The following NR4A1 variants were observed in gnomAD, a reference collection of about 807,000 sequenced individuals.
NR4A1 encodes nuclear receptor subfamily 4immunitygroup A member 1.
Under a neutral mutation model 47.5 loss-of-function variants are expected in NR4A1, and 24 were observed. The ratio of observed to expected loss-of-function variants is 0.50; its 90% confidence interval spans 0.37 to 0.71. The LOEUF (loss-of-function observed/expected upper bound fraction) is 0.71, where lower values mean the gene tolerates loss of function less well. Ranked by LOEUF, NR4A1 falls within the 30% of genes least tolerant of loss-of-function variation. The pLI, the probability that NR4A1 is intolerant of heterozygous loss-of-function variation, is 0.00. For missense variants in NR4A1, 669 were observed against 788.6 expected (o/e 0.85, Z 1.82); for synonymous variants, 353 against 345.7 (o/e 1.02, Z -0.24).
At chr12:52,027,155 A>G (rs1938015780) in intron 1 of NR4A1, among the ~76,000 whole-genome samples, 1 of 152,238 alleles carries the variant, frequency 6.6e-6, no homozygotes, top group Non-Finnish European at 1.5e-5. Context: ...CCCTACCACA[A>G]GTGCCCCTTA....
Position 52,043,308 on chromosome 12 carries a change from C to T in NR4A1, c.37+1379C>T, listed in dbSNP as rs927697847. On this transcript the variant is annotated intron_variant, in intron 2 of 7. Coordinates refer to the NR4A1 transcript ENST00000360284. ...CCTCCCTCAACTCGGCCCCTACATC[C>T]GCCCCCAGTCCAGACCCAGCTTCCT... is the stretch of plus-strand genomic sequence containing the variant. 7 of 159,920 alleles carry T rather than the reference C, an allele frequency of 4.4e-5. 1 individual carries two copies. In the South Asian group the frequency reaches 8.5e-4, roughly 20 times the overall value. The allele number at this position is 159,920 out of a possible 1,614,324, so 9.9% of individuals were successfully genotyped here. A position where few individuals can be genotyped will look rare whatever the true frequency, so the allele number is the denominator to read the frequency against.
intron 1 of NR4A1, among the ~76,000 whole-genome samples, chr12:52,036,760 C>T (rs1938245651): frequency 6.6e-6 from 1 of 152,266 alleles, no homozygotes; most frequent in Non-Finnish European, 1.5e-5. Flanking sequence ...CGCCCGCAGA[C>T]TCAAAGGCCA....
intron 1 of NR4A1, among the ~76,000 whole-genome samples, chr12:52,039,088 C>A (rs2120958066): frequency 6.6e-6 from 1 of 152,364 alleles, no homozygotes; most frequent in African/African-American, 2.4e-5. Context: ...AGTTGCTTAA[C>A]ATTTCTTTCT....
intron 1 of NR4A1, chr12:52,038,067 C>T (rs542377311): frequency 5.1e-6 from 5 of 986,258 alleles, no homozygotes; most frequent in East Asian, 2.3e-4. Flanking sequence ...CAACGCCCCC[C>T]CTTTCTTTTT....
chr12:52,034,634 G>A (rs1006247624), intron 1 of NR4A1, among the ~76,000 whole-genome samples: 4 of 152,258 alleles, frequency 2.6e-5, no homozygotes, highest in African/African-American at 9.6e-5. Context: ...CAGAAGACCA[G>A]GGCTATGGTT....
In NR4A1 at chr12:52,054,358, A is replaced by T; in HGVS notation, c.30A>T (p.Thr10=). The T allele has an allele frequency of 6.2e-7, 1 of 1,612,990 alleles. No individual in the cohort carries two copies. The highest frequency in any genetic ancestry group is 8.5e-7 in the Non-Finnish European group (1 of 1,179,558). The change falls in exon 2 of 7, where the codon ACA becomes ACT. Residue 10 remains threonine, a synonymous_variant. Transcript: ENST00000394825. ...CCTGTATCCAAGCCCAATATGGGAC[A>T]CCAGCACCGAGTCCGGGACCCCGTG... MPCIQAQYG[T]PAPSPGPRDH... is the part of the protein sequence containing the mutation.
chr12:52,054,357 C>T lies in NR4A1; in HGVS notation c.29C>T (p.Thr10Ile), dbSNP rs1939130553. The change falls in exon 2 of 7, where the codon ACA becomes ATA. Residue 10 changes from threonine to isoleucine, a missense_variant. Transcript: ENST00000394825. Reference protein sequence around the residue: MPCIQAQYGTPAPSPGPRDH... With the variant: MPCIQAQYGIPAPSPGPRDH... ...CCCTGTATCCAAGCCCAATATGGGA[C>T]ACCAGCACCGAGTCCGGGACCCCGT... 1.2e-6 allele frequency: 2 copies of T among 1,612,788 alleles called. No homozygotes were observed. The highest frequency in any genetic ancestry group is 1.7e-5 in the Admixed American group (1 of 59,918).
chr12:52,028,168 C>T (rs1938036816), intron 1 of NR4A1, among the ~76,000 whole-genome samples: 2 of 122,134 alleles, frequency 1.6e-5, no homozygotes, highest in African/African-American at 6.3e-5. Flanking sequence ...TGCCACTACA[C>T]TCCAGTCTGG....
upstream of NR4A1, among the ~76,000 whole-genome samples, chr12:52,048,572 T>C (rs1976255): frequency 0.43 from 64,875 of 152,030 alleles, 15,961 homozygotes; most frequent in African/African-American, 0.66. Flanking sequence ...CCAGCCTGGG[T>C]GACAGAGCGA....
chr12:52,023,536 G>C (rs886259426), intron 1 of NR4A1, among the ~76,000 whole-genome samples: 5 of 152,122 alleles, frequency 3.3e-5, no homozygotes, highest in Non-Finnish European at 5.9e-5. Context: ...CGCCACACCG[G>C]GACCTTCCCC....
intron 2 of NR4A1, among the ~76,000 whole-genome samples, chr12:52,042,344 C>A (rs1044923149): frequency 6.6e-6 from 1 of 152,010 alleles, no homozygotes; most frequent in Admixed American, 6.5e-5. Context: ...GTAGACACTT[C>A]TCCAGGTGAG....
intron 1 of NR4A1, among the ~76,000 whole-genome samples, chr12:52,025,852 A>C (rs1401399943): frequency 6.6e-6 from 1 of 152,174 alleles, no homozygotes; most frequent in Admixed American, 6.5e-5. Flanking sequence ...ACCGTACAGC[A>C]CTTGGGGGCC....
intron 2 of NR4A1, among the ~76,000 whole-genome samples, chr12:52,044,177 G>A (rs545324439): frequency 2.6e-5 from 4 of 152,204 alleles, no homozygotes; most frequent in Non-Finnish European, 5.9e-5. Context: ...CAGGGTGTCC[G>A]TCCTCCTCTC....
At chr12:52,027,146 C>T (rs540660953) in intron 1 of NR4A1, among the ~76,000 whole-genome samples, 1 of 152,328 alleles carries the variant, frequency 6.6e-6, no homozygotes. Flanking sequence ...CAGCCCCATC[C>T]CTACCACAAG....
rs148776155 is a variant in NR4A1 at position 52,026,112 on chromosome 12, C to G, written c.-84+3173C>G. Reference sequence around the variant, plus strand: ...GCTTCTGGACAGATCACACCCTGTCCCGGGCTCTCAAAATGAGGGCAATGA... The same window carrying G: ...GCTTCTGGACAGATCACACCCTGTCGCGGGCTCTCAAAATGAGGGCAATGA... On this transcript the variant is annotated intron_variant, in intron 1 of 7. Coordinates refer to the NR4A1 transcript ENST00000360284. Among the ~76,000 whole-genome samples, 122 of 152,348 alleles carry G rather than the reference C, an allele frequency of 8.0e-4. 2 individuals carry two copies. The East Asian group carries it at 0.016, about 20-fold the overall frequency.
intron 1 of NR4A1, chr12:52,054,009 A>C: frequency 3.2e-6 from 1 of 311,808 alleles, no homozygotes; most frequent in Non-Finnish European, 5.9e-6. Context: ...GGAGGAACAC[A>C]GCTTCCCCCT....
chr12:52,038,026 G>A, intron 1 of NR4A1: 1 of 987,162 alleles, frequency 1.0e-6, no homozygotes, highest in Non-Finnish European at 1.2e-6. Flanking sequence ...GGAGGGCAGG[G>A]CACAGTTCCT....
intron 1 of NR4A1, chr12:52,037,339 G>A: frequency 2.0e-6 from 2 of 984,778 alleles, no homozygotes; most frequent in Non-Finnish European, 1.2e-6. Context: ...CGGGACCCCC[G>A]GCCTCCAGGC....
At chr12:52,050,965 C>T (rs1201622161), upstream of NR4A1, among the ~76,000 whole-genome samples, 6 of 151,906 alleles carry the variant, frequency 3.9e-5, no homozygotes, top group Non-Finnish European at 5.9e-5. Context: ...AGGGACCGGG[C>T]GCGGTTGGCT....
Sources: allele counts gnomAD v4.1 joint callset (sites outside exome capture counted in the v4.1 genomes callset), GRCh38; gene constraint gnomAD v4.1.1; transcripts MANE v1.5; gene names NCBI Gene and HGNC (gene_info 2026-07-23, HGNC 2026-07-21).